Variants in PDE3B observed in about 807,000 individuals in gnomAD.
The protein encoded by PDE3B is phosphodiesterase 3B, also known as cGMP-inhibited 3',5'-cyclic phosphodiesterase 3B.
In PDE3B, 66 loss-of-function variants were observed where a neutral mutation model predicts 116.8. The observed-to-expected ratio is 0.56, with a 90% CI of 0.46 to 0.69. PDE3B has a LOEUF of 0.69. Among genes scored for constraint, PDE3B ranks in the 30% least tolerant of loss-of-function variants. PDE3B has a pLI of 0.00. For missense variants in PDE3B, 1,384 were observed against 1,368.1 expected (o/e 1.01, Z -0.18); for synonymous variants, 595 against 533.6 (o/e 1.12, Z -1.59).
chr11:14,844,753 TCAAACTG>T (rs1473777593), intron 12 of PDE3B, among the ~76,000 whole-genome samples: 2 of 152,110 alleles, frequency 1.3e-5, no homozygotes, highest in African/African-American at 4.8e-5. Context: ...CAGTCTGAGA[TCAAACTG>T]CAAGGCAGCA....
intron 1 of PDE3B, among the ~76,000 whole-genome samples, chr11:14,646,899 A>G (rs373510000): frequency 6.6e-6 from 1 of 152,066 alleles, no homozygotes; most frequent in South Asian, 2.1e-4. Context: ...TTCACATTCT[A>G]CTTCTAATAG....
At chr11:14,875,808 C>T (rs1555009623), downstream of PDE3B, among the ~76,000 whole-genome samples, 4 of 152,130 alleles carry the variant, frequency 2.6e-5, no homozygotes, top group South Asian at 2.1e-4. Flanking sequence ...ACCTCTATTT[C>T]CTTGGCTATA....
At chr11:14,661,714 A>C (rs1853920233) in intron 1 of PDE3B, among the ~76,000 whole-genome samples, 1 of 152,190 alleles carries the variant, frequency 6.6e-6, no homozygotes. Context: ...CTAGCACAGC[A>C]GTCTGAGATC....
In PDE3B at chr11:14,644,705, C is replaced by G; in HGVS notation, c.630C>G (p.Leu210=). The change falls in exon 1 of 16, where the codon CTC becomes CTG. Residue 210 remains leucine (L), a synonymous_variant. Coordinates refer to ENST00000282096, the MANE Select transcript of PDE3B (RefSeq NM_000922.4). ...VLSCVGLLLT[L]AHPLRLRHCV... ...GCTGCGTAGGGCTGCTGCTGACGCTCGCGCACCCGCTGCGGCTCCGGCACT... is the reference window on the plus strand; with the variant it reads ...GCTGCGTAGGGCTGCTGCTGACGCTGGCGCACCCGCTGCGGCTCCGGCACT... The G allele has an allele frequency of 1.3e-6, 2 of 1,524,474 alleles. No individual in the cohort carries two copies. The highest frequency in any genetic ancestry group is 1.8e-6 in the Non-Finnish European group (2 of 1,138,294). The allele number at this position is 1,524,474 out of a possible 1,614,324, so 94.4% of individuals were successfully genotyped here.
At chr11:14,657,303 A>G (rs1023475613) in intron 1 of PDE3B, among the ~76,000 whole-genome samples, 15 of 152,204 alleles carry the variant, frequency 9.9e-5, no homozygotes, top group Non-Finnish European at 2.1e-4. Flanking sequence ...GATAAGAGAT[A>G]CGGAAACAGA....
intron 7 of PDE3B, among the ~76,000 whole-genome samples, chr11:14,829,386 C>T (rs1391223601): frequency 6.6e-6 from 1 of 151,998 alleles, no homozygotes; most frequent in Admixed American, 6.6e-5. Flanking sequence ...AGATTTGAAT[C>T]CAGATTCTAT....
At chr11:14,881,722 T>C in the PDE3B span, among the ~76,000 whole-genome samples, 1 of 152,118 alleles carries the variant, frequency 6.6e-6, no homozygotes, top group Non-Finnish European at 1.5e-5. Context: ...CTACCACTCT[T>C]GCCATATGAC....
intron 1 of PDE3B, among the ~76,000 whole-genome samples, chr11:14,714,052 G>A (rs1015402947): frequency 3.9e-5 from 6 of 152,090 alleles, no homozygotes; most frequent in Non-Finnish European, 8.8e-5. Context: ...CAGTGGCAGT[G>A]CGCGTGTGAC....
At chr11:14,759,356 C>G (rs1857288130) in intron 1 of PDE3B, among the ~76,000 whole-genome samples, 1 of 152,118 alleles carries the variant, frequency 6.6e-6, no homozygotes, top group Non-Finnish European at 1.5e-5. Flanking sequence ...ACCAGTTCCT[C>G]CTTGTACCTC....
At chr11:14,877,747 G>C in the PDE3B span, 25 of 195,372 alleles carry the variant, frequency 1.3e-4, no homozygotes, top group African/African-American at 5.4e-4. Context: ...TACCTGATCA[G>C]AAGGGAGCTG....
At chr11:14,686,233 G>A (rs1032157188) in intron 1 of PDE3B, among the ~76,000 whole-genome samples, 8 of 152,072 alleles carry the variant, frequency 5.3e-5, no homozygotes, top group African/African-American at 1.7e-4. Context: ...TCTTCCATTC[G>A]AATTCTACAA....
At chr11:14,811,438 G>T (rs528775384) in intron 5 of PDE3B, among the ~76,000 whole-genome samples, 3 of 152,262 alleles carry the variant, frequency 2.0e-5, no homozygotes, top group African/African-American at 7.2e-5. Flanking sequence ...TTTCCCCATT[G>T]CTTGTTTTTC....
chr11:14,748,963 A>C lies in PDE3B; in HGVS notation c.979-22974A>C, dbSNP rs1167968951. Among the ~76,000 whole-genome samples, 3 of 148,540 alleles carry C rather than the reference A, an allele frequency of 2.0e-5. 1 individual carries two copies. In the Middle Eastern group the frequency reaches 0.01, roughly 512 times the overall value. On this transcript the variant is annotated intron_variant, in intron 1 of 15. Transcript: ENST00000282096. Reference sequence around the variant, plus strand: ...GAGTGCAGTGGCGCAGTCTTGGCTCACTGCAGCTTCCGCCGCCTGGGTTCA... The same window carrying C: ...GAGTGCAGTGGCGCAGTCTTGGCTCCCTGCAGCTTCCGCCGCCTGGGTTCA...
chr11:14,874,445 C>T (rs543401891), downstream of PDE3B, among the ~76,000 whole-genome samples: 27 of 152,174 alleles, frequency 1.8e-4, no homozygotes, highest in Non-Finnish European at 3.7e-4. Context: ...TTCTTAAAAA[C>T]TCATTATTTT....
intron 1 of PDE3B, among the ~76,000 whole-genome samples, chr11:14,654,344 T>C (rs1853647136): frequency 6.6e-6 from 1 of 152,166 alleles, no homozygotes; most frequent in African/African-American, 2.4e-5. Flanking sequence ...GCAGTTTTAC[T>C]GAAAGGTGAC....
At chr11:14,811,309 G>T (rs1201251584) in intron 5 of PDE3B, among the ~76,000 whole-genome samples, 2 of 150,402 alleles carry the variant, frequency 1.3e-5, no homozygotes, top group Non-Finnish European at 3.0e-5. Flanking sequence ...TAGGTCTAAC[G>T]TTTAAGTCTT....
chr11:14,879,573 T>G, the PDE3B span: 1 of 665,000 alleles, frequency 1.5e-6, no homozygotes, highest in African/African-American at 1.8e-5. Context: ...AGATTCAGAT[T>G]TTTTATTATC....
At chr11:14,658,288 C>T (rs1191157102) in intron 1 of PDE3B, among the ~76,000 whole-genome samples, 1 of 152,014 alleles carries the variant, frequency 6.6e-6, no homozygotes. Flanking sequence ...TCTCTCAACA[C>T]GATAATAGAA....
At chr11:14,891,188 C>T in the PDE3B span, 1 of 985,338 alleles carries the variant, frequency 1.0e-6, no homozygotes, top group Admixed American at 6.1e-5. Context: ...CTGCCAGTCA[C>T]AGGGCATTTC....
Sources: gnomAD v4.1 joint callset for allele counts (sites outside exome capture counted in the v4.1 genomes callset) on GRCh38, gnomAD v4.1.1 for gene constraint, MANE v1.5 for transcripts, NCBI Gene and HGNC (gene_info 2026-07-23, HGNC 2026-07-21) for gene names.